PPP6R2: variants seen among roughly 807,000 people sequenced by gnomAD.
The protein encoded by PPP6R2 is serine/threonine-protein phosphatase 6 regulatory subunit 2.
PPP6R2 carries 62 observed loss-of-function variants against 100.2 expected under a neutral mutation model. The observed-to-expected ratio is 0.62, with a 90% CI of 0.50 to 0.76. PPP6R2 has a LOEUF of 0.76. Ranked by LOEUF, PPP6R2 falls within the 30% of genes least tolerant of loss-of-function variation. The probability of loss-of-function intolerance (pLI) is 0.00; values close to 1 mark genes in which losing one functional copy is unlikely to be tolerated. For missense variants in PPP6R2, 1,142 were observed against 1,276.3 expected (o/e 0.89, Z 1.60); for synonymous variants, 525 against 514.7 (o/e 1.02, Z -0.27).
At chr22:50,366,362 G>A (rs1331951828) in intron 1 of PPP6R2, among the ~76,000 whole-genome samples, 1 of 149,320 alleles carries the variant, frequency 6.7e-6, no homozygotes, top group East Asian at 2.0e-4. Flanking sequence ...CTAGGCTGGA[G>A]TGCAGTGGTG....
intron 2 of PPP6R2, chr22:50,393,599 C>A: frequency 2.1e-6 from 2 of 964,080 alleles, no homozygotes; most frequent in Non-Finnish European, 2.5e-6. Context: ...GGAGGCAGGT[C>A]CTGGAGCTGG....
chr22:50,391,032 A>G lies in PPP6R2; in HGVS notation c.-16-2861A>G, dbSNP rs372463638. On this transcript the variant is annotated intron_variant, in intron 2 of 23. Coordinates refer to ENST00000612753, the MANE Select transcript of PPP6R2 (RefSeq NM_001242898.2). The stretch of plus-strand genomic sequence containing the variant: ...AAAAAAGAAAAGAAATTCAGGCCGG[A>G]TGCAGTGGCTCACATCTGTAATCCC... Among the ~76,000 whole-genome samples, 5 of 151,044 alleles carry G rather than the reference A, an allele frequency of 3.3e-5. No individual in the cohort carries two copies. In the East Asian group the frequency reaches 9.9e-4, roughly 30 times the overall value.
chr22:50,408,153 C>T (rs1378158605), intron 4 of PPP6R2, among the ~76,000 whole-genome samples: 2 of 152,200 alleles, frequency 1.3e-5, no homozygotes, highest in East Asian at 1.9e-4. Flanking sequence ...TCCCAAAGTC[C>T]TGGGACTACA....
At position 50,437,562 on chromosome 22, in the gene PPP6R2, C is replaced by T. The variant is rs2064622503; in HGVS notation, c.1740C>T (p.Gly580=). The part of the protein sequence containing the change: ...QMTANFVDQF[G]FNDEEFADQD... ...CAGCCAACTTCGTGGATCAGTTTGG[C>T]TTCAATGATGAGGAGTTTGCCGACC... The change falls in exon 16 of 24, where the codon GGC becomes GGT. Residue 580 remains glycine (G), a synonymous_variant. Transcript: ENST00000612753. 1 of 1,401,870 alleles carries T rather than the reference C, an allele frequency of 7.1e-7. No homozygotes were observed. The allele number at this position is 1,401,870 out of a possible 1,614,324, so 86.8% of individuals were successfully genotyped here.
chr22:50,337,426 T>G, the PPP6R2 span, among the ~76,000 whole-genome samples: 4 of 126,022 alleles, frequency 3.2e-5, no homozygotes, highest in African/African-American at 6.4e-5. Context: ...GTGTGTGGGG[T>G]GTGTGTGTGC....
At chr22:50,401,781 T>C (rs1329689284) in intron 3 of PPP6R2, among the ~76,000 whole-genome samples, 1 of 150,850 alleles carries the variant, frequency 6.6e-6, no homozygotes, top group Non-Finnish European at 1.5e-5. Flanking sequence ...TACAGGCGCC[T>C]GCCACCACGC....
At chr22:50,333,830 G>A in the PPP6R2 span, among the ~76,000 whole-genome samples, 194 of 152,186 alleles carry the variant, frequency 1.3e-3, 1 homozygote, top group African/African-American at 4.5e-3. Flanking sequence ...GGCCCTGAAT[G>A]CCTGGCAGCA....
chr22:50,351,026 GT>G (rs1195469509), intron 1 of PPP6R2, among the ~76,000 whole-genome samples: 7,227 of 80,700 alleles, frequency 0.09, 1,091 homozygotes, highest in African/African-American at 0.26. Context: ...TCTCAACAGT[GT>G]TTTTTTTTTT....
intron 1 of PPP6R2, among the ~76,000 whole-genome samples, chr22:50,352,406 C>G (rs1366821057): frequency 6.6e-6 from 1 of 152,102 alleles, no homozygotes; most frequent in Non-Finnish European, 1.5e-5. Flanking sequence ...CTATTTAAGT[C>G]TGGTTTCGTC....
At position 50,370,686 on chromosome 22, in the gene PPP6R2, T is replaced by G. The variant is rs540795800; in HGVS notation, c.-147-1334T>G. ...TCTCACTCTGTTGCCCAGGCTGGAG[T>G]GCAGTGGCGTGATCTCGGCTCACTG... On this transcript the variant is annotated intron_variant, in intron 1 of 23. Transcript: ENST00000612753. Among the ~76,000 whole-genome samples the G allele has an allele frequency of 4.6e-5, 7 of 151,774 alleles. 1 individual carries two copies. The highest frequency in any genetic ancestry group is 1.4e-4 in the African/African-American group (6 of 41,386).
intron 1 of PPP6R2, among the ~76,000 whole-genome samples, chr22:50,356,192 C>T (rs900117693): frequency 4.0e-5 from 6 of 151,670 alleles, no homozygotes; most frequent in African/African-American, 1.5e-4. Flanking sequence ...TCTCGATCTC[C>T]TGACCTCGTG....
chr22:50,422,194 C>G, intron 8 of PPP6R2, 60 bp from the exon 9 acceptor site: 1 of 1,573,150 alleles, frequency 6.4e-7, no homozygotes, highest in South Asian at 1.2e-5. Context: ...CACTGAGTTG[C>G]TGGTGAGGTT....
chr22:50,395,263 G>A (rs2056537134), intron 3 of PPP6R2, among the ~76,000 whole-genome samples: 1 of 152,204 alleles, frequency 6.6e-6, no homozygotes. Flanking sequence ...ATTCAGCCCT[G>A]GCCAGGATGC....
chr22:50,418,470 C>T (rs1015825964), intron 6 of PPP6R2, among the ~76,000 whole-genome samples: 1 of 151,832 alleles, frequency 6.6e-6, no homozygotes. Flanking sequence ...ACTGCAAGCT[C>T]CTTCTCCCAG....
At chr22:50,357,843 C>G (rs1158076402) in intron 1 of PPP6R2, among the ~76,000 whole-genome samples, 1 of 152,166 alleles carries the variant, frequency 6.6e-6, no homozygotes. Context: ...CCAGGGTGGT[C>G]TTTAACTCCT....
rs1461307957 is a variant in PPP6R2 at position 50,355,869 on chromosome 22, T to A, written c.-148+12319T>A. Reference sequence around the variant, plus strand: ...AAAAAAAAACCAAAAAAAAAGCTTTTAAAAATTTTTCTCTTTTAAAAAGTG... The same window carrying A: ...AAAAAAAAACCAAAAAAAAAGCTTTAAAAAATTTTTCTCTTTTAAAAAGTG... On this transcript the variant is annotated intron_variant, in intron 1 of 23. Coordinates refer to ENST00000612753, the MANE Select transcript of PPP6R2 (RefSeq NM_001242898.2). Among the ~76,000 whole-genome samples, 10 of 150,554 alleles carry A rather than the reference T, an allele frequency of 6.6e-5. 1 individual carries two copies. Among genetic ancestry groups the A allele is most frequent in the Admixed American group, 3.3e-4 (5 of 15,170 alleles).
At chr22:50,411,695 G>A (rs1208876440) in intron 4 of PPP6R2, among the ~76,000 whole-genome samples, 1 of 152,080 alleles carries the variant, frequency 6.6e-6, no homozygotes, top group Non-Finnish European at 1.5e-5. Context: ...GGAGGTTGCA[G>A]TGAGCCGAGA....
At chr22:50,370,484 T>TGC (rs2049860205) in intron 1 of PPP6R2, among the ~76,000 whole-genome samples, 3 of 151,668 alleles carry the variant, frequency 2.0e-5, no homozygotes, top group East Asian at 3.9e-4. Flanking sequence ...AGATGGGGTT[T>TGC]CACTATGTTG....
intron 3 of PPP6R2, among the ~76,000 whole-genome samples, chr22:50,396,088 C>T (rs375938804): frequency 2.7e-4 from 39 of 145,158 alleles, no homozygotes; most frequent in Middle Eastern, 4.1e-3. Flanking sequence ...TCAGCTACTC[C>T]GGGAGGCTGA....
Sources: gnomAD v4.1 joint callset for allele counts (sites outside exome capture counted in the v4.1 genomes callset) on GRCh38, gnomAD v4.1.1 for gene constraint, MANE v1.5 for transcripts, NCBI Gene and HGNC (gene_info 2026-07-23, HGNC 2026-07-21) for gene names.